ADGRV1: variants seen among roughly 807,000 people sequenced by gnomAD.
ADGRV1 encodes G-protein coupled receptor 98.
Under a neutral mutation model 596.2 loss-of-function variants are expected in ADGRV1, and 359 were observed. The ratio of observed to expected loss-of-function variants is 0.60; its 90% CI spans 0.55 to 0.66. ADGRV1 has a LOEUF of 0.66. Among genes scored for constraint, ADGRV1 ranks in the 30% least tolerant of loss-of-function variants. ADGRV1 has a pLI of 0.00. For synonymous variants in ADGRV1, 2,681 were observed against 2,679.2 expected (o/e 1.00, Z -0.02); for missense variants, 7,274 against 7,575.6 (o/e 0.96, Z 1.48).
Position 90,753,847 on chromosome 5 carries a change from T to C in ADGRV1, c.11377+18T>C, listed in dbSNP as rs1275280254. On this transcript the variant is annotated intron_variant, in intron 54 of 89. Transcript: ENST00000405460. ...GCCTAAAGGTAAATATTGTTAAATATCTTTCAAGTTTTAATGAGAAGCTTC... is the reference window on the plus strand; with the variant it reads ...GCCTAAAGGTAAATATTGTTAAATACCTTTCAAGTTTTAATGAGAAGCTTC... The C allele has an allele frequency of 1.3e-6, 2 of 1,552,924 alleles. No homozygotes were observed. The highest frequency in any genetic ancestry group is 4.7e-5 in the East Asian group (2 of 42,298).
In ADGRV1 at chr5:90,872,287, AAG is replaced by A. The variant is rs1354592982; in HGVS notation, c.17856+8433_17856+8434del. On this transcript the variant is annotated intron_variant, in intron 83 of 89. Transcript: ENST00000405460. Reference sequence around the variant, plus strand: ...ATCAGTAATTTTGTTTATAGTTTTTAAGAGTTTTTTTTCCCTGATCTGAGTAT... The same window carrying A: ...ATCAGTAATTTTGTTTATAGTTTTTAAGTTTTTTTTCCCTGATCTGAGTAT... Among the ~76,000 whole-genome samples the A allele has an allele frequency of 2.0e-5, 3 of 152,166 alleles. No individual in the cohort carries two copies. The East Asian group carries it at 5.8e-4, about 29-fold the overall frequency.
At position 90,776,512 on chromosome 5, in the gene ADGRV1, C is replaced by T. The variant is rs576429729; in HGVS notation, c.12463C>T (p.Pro4155Ser). ...AGCATCAGGAGAAGTTGGGATAGCT[C>T]CGTCATCTAGGCACATCCTCATTGG... ...KRASGEVGIAPSSRHILIGEP... is the reference protein window; with the variant it reads ...KRASGEVGIASSSRHILIGEP... Residue 4155 changes from proline (P) to serine (S), a missense_variant, in exon 61 of 90, where the codon CCG (proline) becomes TCG (serine). By Grantham distance (74) the Pro-to-Ser change is moderately conservative. Transcript: ENST00000405460. 6.3e-5 allele frequency: 101 copies of T among 1,613,252 alleles called. 2 individuals carry two copies. In the East Asian group the frequency reaches 1.0e-3, roughly 16 times the overall value.
intron 19 of ADGRV1, 85 bp from the exon 20 acceptor site, chr5:90,653,124 C>A: frequency 1.6e-6 from 2 of 1,272,496 alleles, no homozygotes; most frequent in Non-Finnish European, 2.1e-6. Flanking sequence ...AGAAGTTTGT[C>A]TGCTAAACAA....
intron 88 of ADGRV1, among the ~76,000 whole-genome samples, chr5:91,152,375 C>T (rs1796133728): frequency 6.6e-6 from 1 of 152,116 alleles, no homozygotes; most frequent in South Asian, 2.1e-4. Flanking sequence ...CTTATAGATA[C>T]CTACTATATT....
rs147848446 is a variant in ADGRV1, at chr5:90,580,075, T to A, written c.22+21158T>A. ...CTTGACTCTTTATTCAATTTGCTAG[T>A]CTGTATCTTTTAATTGGGGCATTTA... is the stretch of plus-strand genomic sequence containing the variant. On this transcript the variant is annotated intron_variant, in intron 1 of 89. Transcript: ENST00000405460. Among the ~76,000 whole-genome samples the A allele has an allele frequency of 1.8e-4, 28 of 152,314 alleles. No homozygotes were observed. In the East Asian group the frequency reaches 5.2e-3, roughly 28 times the overall value.
At chr5:90,831,721 C>T (rs1764548140) in intron 77 of ADGRV1, among the ~76,000 whole-genome samples, 1 of 152,050 alleles carries the variant, frequency 6.6e-6, no homozygotes, top group African/African-American at 2.4e-5. Flanking sequence ...CCCTCTGCCC[C>T]ACCGCCACCA....
At chr5:90,854,039 A>G (rs570970531) in intron 80 of ADGRV1, 23 bp from the exon 81 acceptor site, 1 of 1,523,520 alleles carries the variant, frequency 6.6e-7, no homozygotes. Context: ...ACATCATTAT[A>G]TGTTCTGTTT....
At chr5:90,952,721 C>T (rs1777154851) in intron 83 of ADGRV1, among the ~76,000 whole-genome samples, 1 of 152,130 alleles carries the variant, frequency 6.6e-6, no homozygotes, top group Non-Finnish European at 1.5e-5. Context: ...GTATTCAAAT[C>T]TCCTCTAAAA....
intron 85 of ADGRV1, among the ~76,000 whole-genome samples, chr5:91,068,974 G>GA (rs918708863): frequency 6.0e-5 from 9 of 151,236 alleles, no homozygotes; most frequent in East Asian, 5.8e-4. Context: ...TTAGAAAACC[G>GA]AAAAAAAAGG....
chr5:90,767,160 A>G (rs1007522094), intron 59 of ADGRV1, among the ~76,000 whole-genome samples: 2 of 152,232 alleles, frequency 1.3e-5, no homozygotes, highest in African/African-American at 2.4e-5. Context: ...TACTTAGCCA[A>G]TGTGTCAGAT....
In ADGRV1 at chr5:91,017,012, C is replaced by A. The variant is rs530300583; in HGVS notation, c.18152+31490C>A. Among the ~76,000 whole-genome samples the A allele has an allele frequency of 3.9e-5, 6 of 151,902 alleles. No homozygotes were observed. The South Asian group carries it at 6.2e-4, about 16-fold the overall frequency. Reference sequence around the variant, plus strand: ...AACTGAAGAGTTCCAATGGGAGAACCGTTTATGAAATCATTGTTCCATTGC... The same window carrying A: ...AACTGAAGAGTTCCAATGGGAGAACAGTTTATGAAATCATTGTTCCATTGC... On this transcript the variant is annotated intron_variant, in intron 85 of 89. Coordinates refer to ENST00000405460, the MANE Select transcript of ADGRV1 (RefSeq NM_032119.4).
chr5:90,655,771 A>C (rs1473575220), intron 20 of ADGRV1: 1 of 152,164 alleles, frequency 6.6e-6, no homozygotes, highest in East Asian at 1.9e-4. Context: ...AAAAAAAAAT[A>C]ATGCTGTGTT....
intron 86 of ADGRV1, among the ~76,000 whole-genome samples, chr5:91,074,095 C>G (rs1431574005): frequency 2.0e-5 from 3 of 152,192 alleles, no homozygotes; most frequent in East Asian, 3.8e-4. Context: ...CAGAAGTTAT[C>G]TAGAAGCTAT....
chr5:91,024,208 C>T (rs2151197464), intron 85 of ADGRV1, among the ~76,000 whole-genome samples: 1 of 152,250 alleles, frequency 6.6e-6, no homozygotes, highest in East Asian at 1.9e-4. Flanking sequence ...CATTGTATGG[C>T]CACCCTGTCT....
chr5:90,584,524 G>A (rs1303721420), intron 1 of ADGRV1, among the ~76,000 whole-genome samples: 2 of 150,724 alleles, frequency 1.3e-5, no homozygotes, highest in Non-Finnish European at 3.0e-5. Flanking sequence ...GGGACCACTT[G>A]TCTCTGCTGT....
chr5:90,710,329 T>C (rs528357481), intron 39 of ADGRV1, among the ~76,000 whole-genome samples: 33 of 152,294 alleles, frequency 2.2e-4, no homozygotes, highest in Non-Finnish European at 3.1e-4. Context: ...GGGTTAGTAA[T>C]ATTTTAAGAC....
chr5:91,097,739 A>G (rs1351226396), intron 86 of ADGRV1, among the ~76,000 whole-genome samples: 1 of 151,700 alleles, frequency 6.6e-6, no homozygotes, highest in Non-Finnish European at 1.5e-5. Context: ...AACACTTACT[A>G]TTTCTTGTTT....
intron 50 of ADGRV1, among the ~76,000 whole-genome samples, chr5:90,737,678 A>G (rs1753424958): frequency 6.6e-6 from 1 of 151,834 alleles, no homozygotes; most frequent in South Asian, 2.1e-4. Context: ...GTTGTTATAG[A>G]ATGGTCTTCT....
chr5:91,088,065 T>C (rs1174933213), intron 86 of ADGRV1, among the ~76,000 whole-genome samples: 1 of 152,208 alleles, frequency 6.6e-6, no homozygotes, highest in Non-Finnish European at 1.5e-5. Context: ...AGGCAAATAA[T>C]GTGATTTACA....
Sources: gnomAD v4.1 joint callset for allele counts (sites outside exome capture counted in the v4.1 genomes callset) on GRCh38, gnomAD v4.1.1 for gene constraint, MANE v1.5 for transcripts, NCBI Gene and HGNC (gene_info 2026-07-23, HGNC 2026-07-21) for gene names.